MLIP: variants seen among roughly 807,000 people sequenced by gnomAD.
MLIP encodes muscular LMNA interacting protein.
MLIP carries 79 observed loss-of-function variants against 84.8 expected under a neutral mutation model. The observed-to-expected ratio is 0.93, with a 90% CI of 0.78 to 1.12. The LOEUF is 1.12. Among genes scored for constraint, MLIP ranks in the 50% most tolerant of loss-of-function variants. The probability of loss-of-function intolerance (pLI) is 0.00; values close to 1 mark genes in which losing one functional copy is unlikely to be tolerated. For missense variants in MLIP, 1,257 were observed against 1,160.6 expected, an observed-to-expected ratio of 1.08 and a Z score of -1.21; for synonymous variants, 504 against 463.0, an observed-to-expected ratio of 1.09 and a Z score of -1.14.
Position 54,137,449 on chromosome 6 carries a change from C to A in MLIP, c.1380C>A (p.Pro460=), listed in dbSNP as rs1176593146. 6.5e-7 allele frequency: 1 copy of A among 1,536,050 alleles called. No homozygotes were observed. The highest frequency in any genetic ancestry group is 2.0e-5 in the Admixed American group (1 of 50,986). ...TLDQKEKQTP[P]TPKKSLSSCS... is the part of the protein sequence containing the mutation. ...ACCAAAAAGAAAAGCAGACCCCACC[C>A]ACGCCTAAAAAATCTCTCTCAAGTT... The change falls in exon 4 of 14, where the codon CCC becomes CCA. Residue 460 remains proline (P), a synonymous_variant. Transcript: ENST00000502396.
At chr6:54,169,714 C>T in intron 9 of MLIP, 142 bp downstream of exon 9, 1 of 453,946 alleles carries the variant, frequency 2.2e-6, no homozygotes, top group East Asian at 3.7e-5. Flanking sequence ...ATTGCAGATA[C>T]AGAAAATCAG....
rs541295619 is a variant in MLIP at position 54,076,631 on chromosome 6, T to G, written c.64-44816T>G. 7.2e-5 allele frequency among the ~76,000 whole-genome samples: 11 copies of G among 152,340 alleles called. No homozygotes were observed. The South Asian group carries it at 2.3e-3, about 32-fold the overall frequency. ...TGTTGGACAGGGAGAGTAGCCTAAT[T>G]GCCTCTGGGTGGCTTTTTCCAGGCT... On this transcript the variant is annotated intron_variant, in intron 1 of 12. Transcript: ENST00000274897.
intron 1 of MLIP, among the ~76,000 whole-genome samples, chr6:54,027,080 A>G (rs1284903568): frequency 6.6e-6 from 1 of 152,188 alleles, no homozygotes; most frequent in Non-Finnish European, 1.5e-5. Context: ...TTTTTATATT[A>G]TCACTGATCA....
intron 13 of MLIP, among the ~76,000 whole-genome samples, chr6:54,257,959 A>T (rs1214161303): frequency 6.6e-6 from 1 of 152,126 alleles, no homozygotes; most frequent in Admixed American, 6.6e-5. Context: ...TTTTAAAAAA[A>T]TGCTATACCA....
At chr6:54,114,152 G>T (rs1769709777) in intron 1 of MLIP, among the ~76,000 whole-genome samples, 1 of 152,174 alleles carries the variant, frequency 6.6e-6, no homozygotes. Context: ...TCAGCTGGTG[G>T]ATCACTCAAT....
chr6:54,255,965 T>C (rs1782978835), intron 12 of MLIP, among the ~76,000 whole-genome samples: 1 of 152,110 alleles, frequency 6.6e-6, no homozygotes, highest in Non-Finnish European at 1.5e-5. Context: ...GTACCTAGAG[T>C]CTGATCCTAA....
intron 9 of MLIP, among the ~76,000 whole-genome samples, chr6:54,181,828 G>T (rs9357792): frequency 6.6e-6 from 1 of 152,180 alleles, no homozygotes; most frequent in Non-Finnish European, 1.5e-5. Flanking sequence ...TGTAATGGGG[G>T]CATCATAGCT....
intron 1 of MLIP, among the ~76,000 whole-genome samples, chr6:54,023,772 G>T (rs868226719): frequency 1.3e-5 from 2 of 152,012 alleles, no homozygotes; most frequent in South Asian, 2.1e-4. Flanking sequence ...GTTTCTCCAC[G>T]TTAGCCAAGC....
intron 11 of MLIP, among the ~76,000 whole-genome samples, chr6:54,223,339 C>A (rs1287277508): frequency 1.3e-5 from 2 of 151,864 alleles, no homozygotes; most frequent in South Asian, 4.1e-4. Context: ...CAATGTCAAG[C>A]AGAAGCTTTT....
intron 1 of MLIP, among the ~76,000 whole-genome samples, chr6:54,085,519 T>C (rs141534522): frequency 4.9e-4 from 75 of 152,322 alleles, no homozygotes; most frequent in African/African-American, 1.5e-3. Flanking sequence ...TCATCATCTC[T>C]GGTCATGTCA....
At chr6:54,152,838 T>A (rs768811021) in intron 5 of MLIP, among the ~76,000 whole-genome samples, 1 of 150,086 alleles carries the variant, frequency 6.7e-6, no homozygotes, top group Non-Finnish European at 1.5e-5. Flanking sequence ...TAGATTATTA[T>A]TTTTATCATG....
chr6:54,187,264 C>T lies in MLIP; in HGVS notation c.2545-2606C>T, dbSNP rs563353990. Among the ~76,000 whole-genome samples, 90 of 152,194 alleles carry T rather than the reference C, an allele frequency of 5.9e-4. 1 individual carries two copies. Among genetic ancestry groups the T allele is most frequent in the African/African-American group, 2.0e-3 (84 of 41,530 alleles). On this transcript the variant is annotated intron_variant, in intron 9 of 13. Transcript: ENST00000502396. ...TGCAGGGATGGTTTCTAAACCAGGG[C>T]TTCTTGGATATCTAAAGAAATCCAA...
chr6:54,056,366 C>A (rs374279541), intron 1 of MLIP, among the ~76,000 whole-genome samples: 2 of 152,298 alleles, frequency 1.3e-5, no homozygotes, highest in African/African-American at 4.8e-5. Context: ...CCTTTGGGAG[C>A]AATTCATAAA....
intron 9 of MLIP, among the ~76,000 whole-genome samples, chr6:54,171,452 C>T (rs1326639924): frequency 1.3e-5 from 2 of 151,560 alleles, no homozygotes; most frequent in African/African-American, 2.4e-5. Flanking sequence ...AACACGTCCA[C>T]GTCTTTTGGA....
intron 11 of MLIP, among the ~76,000 whole-genome samples, chr6:54,212,588 C>T (rs1038688283): frequency 1.1e-4 from 16 of 152,126 alleles, no homozygotes; most frequent in African/African-American, 3.1e-4. Flanking sequence ...GGCTTGCCCC[C>T]GCCCCTGCAA....
chr6:54,083,128 G>C (rs917165172), intron 1 of MLIP, among the ~76,000 whole-genome samples: 2 of 152,076 alleles, frequency 1.3e-5, no homozygotes, highest in African/African-American at 4.8e-5. Context: ...GTAAGGTTGA[G>C]TTTCTTACTT....
At chr6:54,111,678 G>A (rs1474542621) in intron 1 of MLIP, 103 bp downstream of exon 1, 1 of 1,191,210 alleles carries the variant, frequency 8.4e-7, no homozygotes, top group Admixed American at 2.3e-5. Flanking sequence ...GCCCAGTGAA[G>A]ATAAATTTGT....
chr6:54,214,484 T>C (rs904729738), intron 11 of MLIP, among the ~76,000 whole-genome samples: 4 of 152,198 alleles, frequency 2.6e-5, no homozygotes, highest in Non-Finnish European at 5.9e-5. Flanking sequence ...CCTAGTCCTA[T>C]TGAGACTTCT....
intron 1 of MLIP, among the ~76,000 whole-genome samples, chr6:54,059,504 A>ATGTGAATGT (rs1425723038): frequency 6.6e-6 from 1 of 152,204 alleles, no homozygotes; most frequent in Non-Finnish European, 1.5e-5. Flanking sequence ...AATAAATAGG[A>ATGTGAATGT]TGTGAATTAA....
Sources: gnomAD v4.1 joint callset for allele counts (sites outside exome capture counted in the v4.1 genomes callset) on GRCh38, gnomAD v4.1.1 for gene constraint, MANE v1.5 for transcripts, NCBI Gene and HGNC (gene_info 2026-07-23, HGNC 2026-07-21) for gene names.